The following SEMA3A variants were observed in gnomAD, a reference collection of about 807,000 sequenced individuals.
The protein encoded by SEMA3A is semaphorin 3A, also known as semaphorin-3A.
Under a neutral mutation model 97.9 loss-of-function variants are expected in SEMA3A, and 29 were observed. That is an observed-to-expected ratio of 0.30 (90% CI 0.22 to 0.40). SEMA3A has a LOEUF of 0.40. Ranked by LOEUF, SEMA3A falls within the 10% of genes least tolerant of loss-of-function variation. SEMA3A has a pLI of 1.00. For synonymous variants in SEMA3A, 321 were observed against 323.7 expected, an observed-to-expected ratio of 0.99 and a Z score of 0.09; for missense variants, 763 against 951.3, an observed-to-expected ratio of 0.80 and a Z score of 2.60.
chr7:84,202,871 T>C (rs1345527645), intron 3 of SEMA3A, among the ~76,000 whole-genome samples: 1 of 152,178 alleles, frequency 6.6e-6, no homozygotes, highest in African/African-American at 2.4e-5. Context: ...ATATAAACCA[T>C]CTATAAATCT....
At chr7:84,459,865 A>G (rs918989737) in intron 1 of SEMA3A, among the ~76,000 whole-genome samples, 6 of 152,126 alleles carry the variant, frequency 3.9e-5, no homozygotes, top group Non-Finnish European at 8.8e-5. Context: ...CTGTCAATAC[A>G]AAAATACAAA....
chr7:84,214,871 T>C (rs1381653948), intron 3 of SEMA3A, among the ~76,000 whole-genome samples: 1 of 151,114 alleles, frequency 6.6e-6, no homozygotes, highest in Non-Finnish European at 1.5e-5. Context: ...GCTAATTTTT[T>C]TGTATTTTTC....
intron 1 of SEMA3A, among the ~76,000 whole-genome samples, chr7:84,470,914 G>GA (rs1806129877): frequency 6.6e-6 from 1 of 151,898 alleles, no homozygotes; most frequent in Admixed American, 6.6e-5. Context: ...GGGTCAGAGG[G>GA]AAAAATAGAT....
intron 4 of SEMA3A, among the ~76,000 whole-genome samples, chr7:84,067,116 T>C (rs1325310622): frequency 1.3e-5 from 2 of 152,044 alleles, no homozygotes; most frequent in Non-Finnish European, 2.9e-5. Flanking sequence ...GAAATAACGC[T>C]GCATATCTAC....
chr7:84,170,730 C>A (rs1797359490), intron 1 of SEMA3A, among the ~76,000 whole-genome samples: 2 of 151,864 alleles, frequency 1.3e-5, no homozygotes, highest in South Asian at 4.2e-4. Flanking sequence ...TACAATTGAT[C>A]CTCATGAAAA....
chr7:83,964,106 T>C lies in SEMA3A; in HGVS notation c.1718-759A>G, dbSNP rs142621092. Among the ~76,000 whole-genome samples the C allele has an allele frequency of 3.2e-3, 484 of 152,326 alleles. 2 individuals are homozygous for C. The highest frequency in any genetic ancestry group is 6.0e-3 in the Non-Finnish European group (406 of 68,020). ...TGCAGCAAAAAGAAAACCTGTTTCCTGATTAAGTTTCTATTATTTTACCCT... is the reference window on the plus strand; with the variant it reads ...TGCAGCAAAAAGAAAACCTGTTTCCCGATTAAGTTTCTATTATTTTACCCT... On this transcript the variant is annotated intron_variant, in intron 15 of 16. Coordinates refer to ENST00000265362, the MANE Select transcript of SEMA3A (RefSeq NM_006080.3).
Position 84,005,353 on chromosome 7 carries a change from A to G in SEMA3A, c.1346T>C (p.Met449Thr). 6.2e-7 allele frequency: 1 copy of G among 1,612,490 alleles called. No individual in the cohort carries two copies. The highest frequency in any genetic ancestry group is 1.3e-5 in the African/African-American group (1 of 75,006). Residue 449 changes from methionine (M) to threonine (T), a missense_variant, in exon 11 of 17, where the codon ATG (methionine) becomes ACG (threonine). Physicochemically the swap from Met to Thr is moderately conservative, Grantham distance 81 (BLOSUM62 -1). Around this residue, in one of 2 missense-constraint regions of SEMA3A, gnomAD observed 678 missense variants for 881.3 expected, o/e 0.77. Transcript: ENST00000265362. ...VDAEDGQYDV[M>T]FIGTDVGTVL... ...TAAAAATTTACCTGTTCCGATAAAC[A>G]TAACATCATACTGTCCATCTTCTGC...
At chr7:84,009,829 C>T (rs1290941525) in intron 9 of SEMA3A, among the ~76,000 whole-genome samples, 1 of 144,074 alleles carries the variant, frequency 6.9e-6, no homozygotes, top group East Asian at 2.0e-4. Context: ...AGGGAAGGAG[C>T]CCGTGGAGAA....
At chr7:84,264,089 G>A (rs1018813062) in intron 3 of SEMA3A, among the ~76,000 whole-genome samples, 26 of 151,916 alleles carry the variant, frequency 1.7e-4, no homozygotes, top group Non-Finnish European at 7.4e-5. Flanking sequence ...TACTGTTTAC[G>A]ATAGTATATA....
chr7:84,081,668 TAGTC>T (rs1363141133), intron 4 of SEMA3A, among the ~76,000 whole-genome samples: 29 of 149,490 alleles, frequency 1.9e-4, no homozygotes, highest in South Asian at 2.1e-4. Flanking sequence ...CAAACAATCA[TAGTC>T]AGTCTCTAAA....
intron 1 of SEMA3A, among the ~76,000 whole-genome samples, chr7:84,402,607 G>T (rs986292362): frequency 1.3e-5 from 2 of 152,042 alleles, no homozygotes; most frequent in African/African-American, 4.8e-5. Context: ...TCCATCAATG[G>T]ATGTATGAAG....
chr7:84,425,727 CT>C (rs1804803257), intron 1 of SEMA3A, among the ~76,000 whole-genome samples: 1 of 149,100 alleles, frequency 6.7e-6, no homozygotes, highest in Non-Finnish European at 1.5e-5. Flanking sequence ...AATCCCAGCA[CT>C]TTGGGAGTCT....
chr7:84,134,509 T>A (rs1384853849), intron 2 of SEMA3A, among the ~76,000 whole-genome samples: 1 of 152,220 alleles, frequency 6.6e-6, no homozygotes, highest in African/African-American at 2.4e-5. Flanking sequence ...ATTGCTACGA[T>A]GGTTCAAGTA....
intron 2 of SEMA3A, among the ~76,000 whole-genome samples, chr7:84,130,582 A>G (rs1194064364): frequency 2.0e-5 from 3 of 152,160 alleles, no homozygotes; most frequent in African/African-American, 7.2e-5. Flanking sequence ...ACATAAAAAC[A>G]TTCAAGAATT....
chr7:84,396,081 T>C (rs1008037045), intron 1 of SEMA3A, among the ~76,000 whole-genome samples: 3 of 151,898 alleles, frequency 2.0e-5, no homozygotes, highest in Non-Finnish European at 4.4e-5. Flanking sequence ...TTATAAGACA[T>C]AGAAAGTGAA....
intron 5 of SEMA3A, among the ~76,000 whole-genome samples, chr7:84,052,400 G>C (rs1262953962): frequency 6.6e-6 from 1 of 152,142 alleles, no homozygotes; most frequent in African/African-American, 2.4e-5. Flanking sequence ...CCTGTTATTG[G>C]TCTATTCAGA....
chr7:84,488,466 G>C (rs1806640320), intron 1 of SEMA3A, among the ~76,000 whole-genome samples: 2 of 151,822 alleles, frequency 1.3e-5, no homozygotes, highest in African/African-American at 4.9e-5. Context: ...CTTTGAAAGT[G>C]GTTGACAGCT....
chr7:84,301,781 A>G (rs1025196864), intron 3 of SEMA3A, among the ~76,000 whole-genome samples: 2 of 152,170 alleles, frequency 1.3e-5, no homozygotes, highest in African/African-American at 4.8e-5. Flanking sequence ...CTTAAGTACT[A>G]TAGTTTGCAG....
At chr7:84,320,461 G>T (rs1801618250) in intron 2 of SEMA3A, among the ~76,000 whole-genome samples, 1 of 152,020 alleles carries the variant, frequency 6.6e-6, no homozygotes, top group Non-Finnish European at 1.5e-5. Flanking sequence ...TCCTATGCTA[G>T]CCTAATCATA....
Sources: gnomAD v4.1 joint callset for allele counts (sites outside exome capture counted in the v4.1 genomes callset) on GRCh38, gnomAD v4.1.1 for gene constraint, gnomAD v4.1.1 regional missense constraint, MANE v1.5 for transcripts, NCBI Gene and HGNC (gene_info 2026-07-23, HGNC 2026-07-21) for gene names.